ATL2: variants seen among roughly 807,000 people sequenced by gnomAD.
ATL2 encodes the protein atlastin GTPase 2.
A neutral mutation model predicts 73.9 loss-of-function variants in ATL2; 31 were observed. That is an observed-to-expected ratio of 0.42 (90% CI 0.32 to 0.57). The LOEUF is 0.57. ATL2 is among the 20% of genes least tolerant of loss of function. The pLI is 0.14. For synonymous variants in ATL2, 291 were observed against 237.5 expected (o/e 1.23, Z -2.07); for missense variants, 738 against 702.6 (o/e 1.05, Z -0.57).
chr2:38,334,241 G>A (rs1178703667), intron 2 of ATL2, among the ~76,000 whole-genome samples: 1 of 151,614 alleles, frequency 6.6e-6, no homozygotes, highest in Non-Finnish European at 1.5e-5. Context: ...TGTTGGCCAG[G>A]CCGGTCTTGA....
intron 2 of ATL2, among the ~76,000 whole-genome samples, chr2:38,330,888 T>C (rs1005793454): frequency 2.6e-5 from 4 of 152,224 alleles, no homozygotes; most frequent in African/African-American, 9.6e-5. Flanking sequence ...AAAATTCATA[T>C]GGGATTGCAA....
intron 7 of ATL2, among the ~76,000 whole-genome samples, chr2:38,312,459 C>G (rs1396017924): frequency 6.6e-6 from 1 of 152,144 alleles, no homozygotes; most frequent in Middle Eastern, 3.4e-3. Flanking sequence ...GCCTGTAATC[C>G]CAGCACTTTG....
At chr2:38,376,846 G>A (rs1402625619) in intron 1 of ATL2, among the ~76,000 whole-genome samples, 1 of 151,062 alleles carries the variant, frequency 6.6e-6, no homozygotes, top group East Asian at 1.9e-4. Flanking sequence ...GGGCGGACAC[G>A]GCGGCAGCCA....
intron 4 of ATL2, 126 bp downstream of exon 4, chr2:38,318,409 T>G: frequency 1.7e-6 from 1 of 577,858 alleles, no homozygotes; most frequent in Non-Finnish European, 2.8e-6. Flanking sequence ...GAGGTTGCAG[T>G]GAGCCGAGAT....
intron 9 of ATL2, among the ~76,000 whole-genome samples, chr2:38,301,728 T>C (rs1054701700): frequency 3.3e-5 from 5 of 152,238 alleles, no homozygotes; most frequent in African/African-American, 1.2e-4. Flanking sequence ...TCTGAGGTCC[T>C]GAATAAACTT....
intron 2 of ATL2, among the ~76,000 whole-genome samples, chr2:38,335,783 T>C (rs1669324771): frequency 6.6e-6 from 1 of 152,212 alleles, no homozygotes; most frequent in Admixed American, 6.5e-5. Flanking sequence ...GGCTCACGCC[T>C]GTAATCCCAG....
intron 2 of ATL2, among the ~76,000 whole-genome samples, chr2:38,332,595 G>C (rs765667886): frequency 8.5e-5 from 13 of 152,160 alleles, no homozygotes; most frequent in Non-Finnish European, 1.6e-4. Flanking sequence ...TTAAGTGAAT[G>C]ACTTATATGG....
intron 9 of ATL2, among the ~76,000 whole-genome samples, chr2:38,306,393 G>A (rs1054505907): frequency 6.6e-6 from 1 of 152,062 alleles, no homozygotes; most frequent in Admixed American, 6.5e-5. Context: ...AATACTACAA[G>A]GCCAGTATTA....
chr2:38,354,607 G>C (rs911135276), intron 1 of ATL2, among the ~76,000 whole-genome samples: 2 of 151,784 alleles, frequency 1.3e-5, no homozygotes, highest in African/African-American at 4.8e-5. Context: ...AGCCAATAAG[G>C]GGCCAGGTGT....
intron 1 of ATL2, among the ~76,000 whole-genome samples, chr2:38,375,335 A>G (rs999326750): frequency 6.6e-6 from 1 of 152,240 alleles, no homozygotes; most frequent in Non-Finnish European, 1.5e-5. Context: ...GGAGCAAATT[A>G]GCAGGTACAG....
intron 8 of ATL2, 98 bp from the exon 9 acceptor site, chr2:38,309,604 T>C (rs1573446878): frequency 2.5e-6 from 3 of 1,196,834 alleles, no homozygotes; most frequent in Admixed American, 5.1e-5. Context: ...TAAGAATACA[T>C]AGTATCTATT....
intron 9 of ATL2, among the ~76,000 whole-genome samples, chr2:38,303,159 G>A (rs1302055507): frequency 2.0e-5 from 3 of 152,116 alleles, no homozygotes; most frequent in Non-Finnish European, 1.5e-5. Context: ...AGAAATCCTG[G>A]ATCCGAAAAA....
intron 1 of ATL2, among the ~76,000 whole-genome samples, chr2:38,351,150 A>AC (rs1670312536): frequency 6.9e-6 from 1 of 144,860 alleles, no homozygotes; most frequent in Non-Finnish European, 1.5e-5. Context: ...CAGTCTACTT[A>AC]TAAAAAAATT....
intron 2 of ATL2, among the ~76,000 whole-genome samples, chr2:38,336,810 T>C (rs1319836839): frequency 6.6e-6 from 1 of 152,206 alleles, no homozygotes; most frequent in Non-Finnish European, 1.5e-5. Flanking sequence ...GCTAAATGCT[T>C]AGTAATCAAA....
chr2:38,376,799 G>C (rs967209249), intron 1 of ATL2, among the ~76,000 whole-genome samples: 1 of 151,698 alleles, frequency 6.6e-6, no homozygotes, highest in African/African-American at 2.4e-5. Flanking sequence ...CGCGCCCCGG[G>C]CAGGCGGCCA....
rs1198664332 is a variant in ATL2, at chr2:38,294,251, TA to T, written c.*1742del. Among the ~76,000 whole-genome samples, 2 of 152,188 alleles carry T rather than the reference TA, an allele frequency of 1.3e-5. No individual in the cohort carries two copies. The highest frequency in any genetic ancestry group is 2.9e-5 in the Non-Finnish European group (2 of 68,018). ...ACTCAACACCTGCATTCTCTTCGCT[TA>T]AAAAGCAAACTAAGGGCCGGGCGCG... is the stretch of plus-strand genomic sequence containing the variant. On this transcript the variant is annotated 3_prime_UTR_variant, in exon 13 of 13. Coordinates refer to ENST00000378954, the MANE Select transcript of ATL2 (RefSeq NM_001135673.4).
intron 2 of ATL2, among the ~76,000 whole-genome samples, chr2:38,332,673 G>A (rs944374190): frequency 6.6e-6 from 1 of 152,168 alleles, no homozygotes; most frequent in African/African-American, 2.4e-5. Context: ...TAGTGTACAA[G>A]TTCAACAAAG....
In ATL2 at chr2:38,325,677, CACACACACACACACACACCAGT is replaced by C. The variant is rs1428554900; in HGVS notation, c.364-6680_364-6659del. On this transcript the variant is annotated intron_variant, in intron 2 of 12. Transcript: ENST00000378954. ...ACACACCAGTACACACACACACACACACACACACACACACACACCAGTACACACACACACACACACACACACA... is the reference window on the plus strand; with the variant it reads ...ACACACCAGTACACACACACACACACACACACACACACACACACACACACA... 1.0e-3 allele frequency among the ~76,000 whole-genome samples: 78 copies of C among 77,156 alleles called. 5 individuals carry two copies. The highest frequency in any genetic ancestry group is 4.4e-3 in the African/African-American group (38 of 8,562). 50.6% of individuals were successfully genotyped at this position (77,156 alleles called of 152,430 possible). A position where few individuals can be genotyped will look rare whatever the true frequency, so the allele number is the denominator to read the frequency against.
upstream of ATL2, among the ~76,000 whole-genome samples, chr2:38,377,936 T>TATAC (rs1672082092): frequency 1.3e-5 from 2 of 152,130 alleles, no homozygotes; most frequent in South Asian, 4.1e-4. Context: ...CTCAACTGTG[T>TATAC]ATACCCTGGC....
Sources: allele counts gnomAD v4.1 joint callset (sites outside exome capture counted in the v4.1 genomes callset), GRCh38; gene constraint gnomAD v4.1.1; transcripts MANE v1.5; gene names NCBI Gene and HGNC (gene_info 2026-07-23, HGNC 2026-07-21).